PAX7: variants seen among roughly 807,000 people sequenced by gnomAD.
PAX7 encodes the protein paired box protein Pax-7.
PAX7 carries 18 observed loss-of-function variants against 50.7 expected under a neutral mutation model. The observed-to-expected ratio is 0.36, with a 90% CI of 0.25 to 0.53. The LOEUF (loss-of-function observed/expected upper bound fraction) is 0.53, where lower values mean the gene tolerates loss of function less well. Ranked by LOEUF, PAX7 falls within the 20% of genes least tolerant of loss-of-function variation. PAX7 has a pLI of 0.93. For synonymous variants in PAX7, 310 were observed against 290.4 expected (o/e 1.07, Z -0.69); for missense variants, 644 against 702.9 (o/e 0.92, Z 0.95).
chr1:18,663,860 T>C (rs2100211831), intron 4 of PAX7, among the ~76,000 whole-genome samples: 1 of 152,376 alleles, frequency 6.6e-6, no homozygotes, highest in South Asian at 2.1e-4. Flanking sequence ...CAGTTATCAC[T>C]TTAACATAGC....
Position 18,716,926 on chromosome 1 carries a change from G to T in PAX7, c.1155+13630G>T, listed in dbSNP as rs1487828588. Among the ~76,000 whole-genome samples the T allele has an allele frequency of 4.6e-5, 7 of 151,830 alleles. No homozygotes were observed. In the East Asian group the frequency reaches 1.4e-3, roughly 30 times the overall value. On this transcript the variant is annotated intron_variant, in intron 7 of 8. Coordinates refer to ENST00000420770, the MANE Select transcript of PAX7 (RefSeq NM_001135254.2). ...GCTGGTGGGCTCCGAGGCAGGGACC[G>T]GGCGCGGGCTCCCGAGGCCGGGCGG...
chr1:18,689,167 C>A (rs543631067), intron 4 of PAX7, among the ~76,000 whole-genome samples: 22 of 152,226 alleles, frequency 1.4e-4, no homozygotes, highest in African/African-American at 5.0e-4. Context: ...TCCCCATCCA[C>A]GGGCTGGCCT....
At chr1:18,659,107 A>T (rs189546029) in intron 4 of PAX7, among the ~76,000 whole-genome samples, 1 of 152,042 alleles carries the variant, frequency 6.6e-6, no homozygotes, top group African/African-American at 2.4e-5. Flanking sequence ...ATGTGTGTGT[A>T]TGTGTGTGTC....
At chr1:18,730,339 C>T (rs2100393667) in intron 7 of PAX7, among the ~76,000 whole-genome samples, 1 of 152,270 alleles carries the variant, frequency 6.6e-6, no homozygotes, top group East Asian at 1.9e-4. Context: ...GGCCCAGTGC[C>T]CTCGGGGAAA....
intron 7 of PAX7, among the ~76,000 whole-genome samples, chr1:18,719,939 G>A (rs754758223): frequency 6.6e-6 from 1 of 152,130 alleles, no homozygotes; most frequent in Non-Finnish European, 1.5e-5. Context: ...TTAGTATTTG[G>A]CCCTCCCTGA....
intron 8 of PAX7, among the ~76,000 whole-genome samples, chr1:18,739,830 C>G (rs79989186): frequency 0.034 from 5,172 of 152,260 alleles, 287 homozygotes; most frequent in African/African-American, 0.12. Context: ...GGCAGGGGCC[C>G]AGGGATGGGG....
chr1:18,748,486 C>T lies in PAX7; in HGVS notation c.*3557C>T, dbSNP rs12121503. The T allele has an allele frequency of 0.056, 13,010 of 231,802 alleles. 469 individuals carry two copies. Among genetic ancestry groups the T allele is most frequent in the East Asian group, 0.077 (1,260 of 16,402 alleles). The allele number at this position is 231,802 out of a possible 1,614,324, so 14.4% of individuals were successfully genotyped here. A position where few individuals can be genotyped will look rare whatever the true frequency, so the allele number is the denominator to read the frequency against. ...GGGTTCTCTAGCCGCCAACTTGAAACGCTCTGAGACTTCTGTGTATTTGAT... is the reference window on the plus strand; with the variant it reads ...GGGTTCTCTAGCCGCCAACTTGAAATGCTCTGAGACTTCTGTGTATTTGAT... On this transcript the variant is annotated 3_prime_UTR_variant, in exon 9 of 9. Transcript: ENST00000420770.
At chr1:18,668,156 T>C (rs1031589896) in intron 4 of PAX7, among the ~76,000 whole-genome samples, 21 of 152,096 alleles carry the variant, frequency 1.4e-4, no homozygotes, top group African/African-American at 4.8e-4. Context: ...GGTGGGGCAG[T>C]ATTTTTTAAA....
intron 4 of PAX7, among the ~76,000 whole-genome samples, chr1:18,662,039 A>G (rs1281946599): frequency 2.1e-5 from 3 of 145,204 alleles, no homozygotes; most frequent in African/African-American, 7.6e-5. Context: ...ACTGAGCACA[A>G]CCTGGTCTCT....
chr1:18,686,104 GC>G (rs2088970919), intron 4 of PAX7, among the ~76,000 whole-genome samples: 1 of 152,184 alleles, frequency 6.6e-6, no homozygotes, highest in Non-Finnish European at 1.5e-5. Context: ...TCTGTCCTGT[GC>G]CCCGGTTCAT....
In PAX7 at chr1:18,632,829, G is replaced by A. The variant is rs940595679; in HGVS notation, c.85+1141G>A. On this transcript the variant is annotated intron_variant, in intron 1 of 8. Transcript: ENST00000420770. The surrounding 1 kb of genome is among the most constrained non-coding windows in gnomAD (Gnocchi z 6.3). ...GAAGAGAGCGGCTCCGTGATCAAGT[G>A]CGCGCCGGCAGCCACGCAGGCGGGA... Among the ~76,000 whole-genome samples, 1 of 152,170 alleles carries A rather than the reference G, an allele frequency of 6.6e-6. No homozygotes were observed. The highest frequency in any genetic ancestry group is 1.5e-5 in the Non-Finnish European group (1 of 68,024).
At chr1:18,659,742 T>C (rs887176842) in intron 4 of PAX7, among the ~76,000 whole-genome samples, 1 of 152,158 alleles carries the variant, frequency 6.6e-6, no homozygotes, top group Non-Finnish European at 1.5e-5. Flanking sequence ...TTTCCTGGTT[T>C]TCCCACTGAG....
Position 18,726,174 on chromosome 1 carries a change from G to GTA in PAX7, c.1156-9457_1156-9456insAT, listed in dbSNP as rs1270672007. Among the ~76,000 whole-genome samples the GTA allele has an allele frequency of 1.3e-5, 2 of 149,226 alleles. No homozygotes were observed. Among genetic ancestry groups the GTA allele is most frequent in the East Asian group, 3.9e-4 (2 of 5,110 alleles). ...TGTGTGTGTGTGTGTGTGTGTGTGT[G>GTA]TGTGTCTTTGACTTCTTGGACAATG... is the stretch of plus-strand genomic sequence containing the variant. On this transcript the variant is annotated intron_variant, in intron 7 of 8. Transcript: ENST00000420770. The surrounding 1 kb of genome is among the most constrained non-coding windows in gnomAD (Gnocchi z 4.8).
At position 18,635,261 on chromosome 1, in the gene PAX7, G is replaced by A. The variant is rs2088131402; in HGVS notation, c.451+21G>A. On this transcript the variant is annotated intron_variant, in intron 3 of 8. Transcript: ENST00000420770. ...CTCAGGTGAGAAGGCAGCTGAGCCGGCAGAGCTGGCCCAGAGTGTGGCCAG... is the reference window on the plus strand; with the variant it reads ...CTCAGGTGAGAAGGCAGCTGAGCCGACAGAGCTGGCCCAGAGTGTGGCCAG... 4.3e-6 allele frequency: 7 copies of A among 1,612,198 alleles called. No individual in the cohort carries two copies. In the East Asian group the frequency reaches 1.1e-4, roughly 26 times the overall value.
intron 7 of PAX7, among the ~76,000 whole-genome samples, chr1:18,706,579 C>G (rs551040569): frequency 3.3e-5 from 5 of 150,956 alleles, no homozygotes; most frequent in Admixed American, 6.6e-5. Context: ...CTCCTGTCTT[C>G]GCCTCCAATT....
intron 7 of PAX7, among the ~76,000 whole-genome samples, chr1:18,725,120 G>C (rs928167355): frequency 6.6e-6 from 1 of 152,226 alleles, no homozygotes; most frequent in Admixed American, 6.5e-5. Flanking sequence ...TCATTCCACT[G>C]AAGGGATTTT....
chr1:18,748,599 C>A lies in PAX7; in HGVS notation c.*3670C>A, dbSNP rs1469064017. 1.7e-5 allele frequency: 4 copies of A among 231,954 alleles called. No individual in the cohort carries two copies. Among genetic ancestry groups the A allele is most frequent in the Non-Finnish European group, 3.4e-5 (4 of 117,268 alleles). 14.4% of individuals were successfully genotyped at this position (231,954 alleles called of 1,614,324 possible). A position where few individuals can be genotyped will look rare whatever the true frequency, so the allele number is the denominator to read the frequency against. ...CTAGATCATTCCTTCTTCCTAGTAA[C>A]TGCAACTTTGTTGCTTCTGTGTTTG... On this transcript the variant is annotated 3_prime_UTR_variant, in exon 9 of 9. Transcript: ENST00000420770.
At chr1:18,698,690 G>A (rs2089178826) in intron 5 of PAX7, among the ~76,000 whole-genome samples, 1 of 152,224 alleles carries the variant, frequency 6.6e-6, no homozygotes, top group African/African-American at 2.4e-5. Context: ...ACTCCAGGGT[G>A]CCCCGGGGAA....
intron 4 of PAX7, among the ~76,000 whole-genome samples, chr1:18,685,554 G>A (rs2088962193): frequency 6.6e-6 from 1 of 152,158 alleles, no homozygotes; most frequent in African/African-American, 2.4e-5. Context: ...TGGGGGAGGT[G>A]GCCCAAGAGC....
Sources: gnomAD v4.1 joint callset for allele counts (sites outside exome capture counted in the v4.1 genomes callset) on GRCh38, gnomAD v4.1.1 for gene constraint, Gnocchi (gnomAD v3.1) non-coding constraint, MANE v1.5 for transcripts, NCBI Gene and HGNC (gene_info 2026-07-23, HGNC 2026-07-21) for gene names.